The following NPFFR2 variants were observed in gnomAD, a reference collection of about 807,000 sequenced individuals.
NPFFR2 encodes the protein G-protein coupled receptor 74.
In NPFFR2, 15 loss-of-function variants were observed where a neutral mutation model predicts 13.1. The ratio of observed to expected loss-of-function variants is 1.15; its 90% CI spans 0.77 to 1.76. The LOEUF (loss-of-function observed/expected upper bound fraction) is 1.76. Among genes scored for constraint, NPFFR2 ranks in the 40% most tolerant of loss-of-function variants. NPFFR2 has a pLI of 0.00. For missense variants in NPFFR2, 572 were observed against 503.5 expected (o/e 1.14, Z -1.30); for synonymous variants, 190 against 175.7 (o/e 1.08, Z -0.65).
At chr4:72,038,436 A>C (rs751145921) in intron 1 of NPFFR2, among the ~76,000 whole-genome samples, 70 of 152,298 alleles carry the variant, frequency 4.6e-4, no homozygotes, top group Non-Finnish European at 9.4e-4. Flanking sequence ...TGTTCTGTGA[A>C]AATTTTACTT....
intron 1 of NPFFR2, among the ~76,000 whole-genome samples, chr4:72,038,007 A>G (rs1288589098): frequency 6.6e-6 from 1 of 152,188 alleles, no homozygotes; most frequent in African/African-American, 2.4e-5. Context: ...AAGATTCTAC[A>G]GTATCCAAAG....
chr4:72,099,521 A>AT (rs1483098174), intron 1 of NPFFR2, among the ~76,000 whole-genome samples: 4 of 152,078 alleles, frequency 2.6e-5, no homozygotes, highest in Non-Finnish European at 4.4e-5. Context: ...GTTTTTACTC[A>AT]TGGTGGAAGG....
rs1224906118 is a variant in NPFFR2 at position 72,146,991 on chromosome 4, G to T, written c.442G>T (p.Val148Phe). 2 of 1,612,214 alleles carry T rather than the reference G, an allele frequency of 1.2e-6. No individual in the cohort carries two copies. The highest frequency in any genetic ancestry group is 3.3e-5 in the Admixed American group (2 of 59,946). Residue 148 changes from valine to phenylalanine, a missense_variant, in exon 4 of 4, where the codon GTC becomes TTC. Transcript: ENST00000308744. ...GTTTAATTGCAGGTTCCAGTGTGTG[G>T]TCTACCCTTTTAAACCAAAGCTCAC... ...AIAVDRFQCV[V>F]YPFKPKLTIK...
intron 1 of NPFFR2, among the ~76,000 whole-genome samples, chr4:72,096,250 C>T (rs1578452156): frequency 6.6e-6 from 1 of 152,178 alleles, no homozygotes; most frequent in East Asian, 1.9e-4. Context: ...GATGAATAGG[C>T]CATGACATCT....
At chr4:72,110,686 A>T (rs1041938154) in intron 1 of NPFFR2, among the ~76,000 whole-genome samples, 3 of 151,954 alleles carry the variant, frequency 2.0e-5, no homozygotes, top group Non-Finnish European at 4.4e-5. Flanking sequence ...ATTTTGCCTA[A>T]CATTTGTTCT....
intron 1 of NPFFR2, among the ~76,000 whole-genome samples, chr4:72,107,148 TTACAA>T (rs1425850773): frequency 6.6e-6 from 1 of 151,820 alleles, no homozygotes; most frequent in Non-Finnish European, 1.5e-5. Flanking sequence ...AATTCAAACA[TTACAA>T]TACAAGTCCT....
chr4:72,125,827 T>G (rs1722027339), intron 1 of NPFFR2, among the ~76,000 whole-genome samples: 1 of 152,202 alleles, frequency 6.6e-6, no homozygotes, highest in Non-Finnish European at 1.5e-5. Flanking sequence ...TATTTTAATA[T>G]AAGCTAACTA....
intron 1 of NPFFR2, among the ~76,000 whole-genome samples, chr4:72,046,053 T>C (rs1203640983): frequency 6.6e-6 from 1 of 152,126 alleles, no homozygotes; most frequent in African/African-American, 2.4e-5. Context: ...AAAGAATGGG[T>C]AAGTAATAGG....
chr4:72,137,885 G>A (rs866560588), intron 2 of NPFFR2, among the ~76,000 whole-genome samples, 155 bp from the exon 3 acceptor site: 2 of 152,250 alleles, frequency 1.3e-5, no homozygotes, highest in Middle Eastern at 3.4e-3. Flanking sequence ...CAGAGCTCTG[G>A]AGATATTAGG....
intron 1 of NPFFR2, among the ~76,000 whole-genome samples, chr4:72,086,065 AGC>A (rs1381834316): frequency 4.6e-5 from 7 of 152,104 alleles, no homozygotes; most frequent in Admixed American, 2.6e-4. Context: ...GGTTATTATG[AGC>A]ATTCTTTATA....
intron 1 of NPFFR2, among the ~76,000 whole-genome samples, chr4:72,053,821 A>G (rs1316578669): frequency 6.6e-6 from 1 of 151,880 alleles, no homozygotes; most frequent in Non-Finnish European, 1.5e-5. Context: ...GTTAAAACAG[A>G]AAGAACAGAC....
intron 1 of NPFFR2, among the ~76,000 whole-genome samples, chr4:72,110,534 A>C (rs1385764168): frequency 6.6e-6 from 1 of 151,822 alleles, no homozygotes; most frequent in East Asian, 1.9e-4. Flanking sequence ...CCCTATATGA[A>C]TGTTTCTGAC....
intron 1 of NPFFR2, among the ~76,000 whole-genome samples, chr4:72,100,103 C>A (rs371712575): frequency 2.6e-5 from 4 of 152,136 alleles, no homozygotes; most frequent in African/African-American, 9.7e-5. Context: ...AATGTATTTT[C>A]AACATTTAAA....
intron 1 of NPFFR2, among the ~76,000 whole-genome samples, chr4:72,078,485 C>A (rs1447005247): frequency 6.6e-6 from 1 of 152,010 alleles, no homozygotes; most frequent in Non-Finnish European, 1.5e-5. Context: ...AGAAGACTCC[C>A]CAAATGGATC....
chr4:72,099,294 A>T (rs1212609732), intron 1 of NPFFR2, among the ~76,000 whole-genome samples: 8 of 152,180 alleles, frequency 5.3e-5, no homozygotes, highest in African/African-American at 9.7e-5. Context: ...TCTGGTAAAA[A>T]ATTGATTCAA....
chr4:72,142,901 G>T (rs541169426), intron 3 of NPFFR2, among the ~76,000 whole-genome samples: 1 of 152,122 alleles, frequency 6.6e-6, no homozygotes, highest in Non-Finnish European at 1.5e-5. Context: ...ACAATCTGGC[G>T]GAGCAGGCAA....
chr4:72,132,658 C>T (rs1021843589), intron 2 of NPFFR2, among the ~76,000 whole-genome samples: 2 of 152,152 alleles, frequency 1.3e-5, no homozygotes, highest in African/African-American at 2.4e-5. Context: ...TTGCCAACAT[C>T]TGTTACTTTT....
At chr4:72,140,855 A>C (rs369390535) in intron 3 of NPFFR2, among the ~76,000 whole-genome samples, 6 of 152,052 alleles carry the variant, frequency 3.9e-5, no homozygotes, top group African/African-American at 9.6e-5. Flanking sequence ...TCCTCTTTGT[A>C]CCTCTGGTAG....
intron 1 of NPFFR2, among the ~76,000 whole-genome samples, chr4:72,113,973 G>T (rs1376436701): frequency 6.6e-6 from 1 of 151,970 alleles, no homozygotes; most frequent in Non-Finnish European, 1.5e-5. Context: ...TTTTCTACAG[G>T]CAATCCTTTA....
Sources: gnomAD v4.1 joint callset for allele counts (sites outside exome capture counted in the v4.1 genomes callset) on GRCh38, gnomAD v4.1.1 for gene constraint, MANE v1.5 for transcripts, NCBI Gene and HGNC (gene_info 2026-07-23, HGNC 2026-07-21) for gene names.